The following SLC25A13 variants were observed in gnomAD, a reference collection of about 807,000 sequenced individuals.
The protein encoded by SLC25A13 is electrogenic aspartate/glutamate antiporter SLC25A13, mitochondrial.
SLC25A13 carries 70 observed loss-of-function variants against 85.5 expected under a neutral mutation model. The ratio of observed to expected loss-of-function variants is 0.82; its 90% CI spans 0.68 to 1.00. The LOEUF is 1.00. Among genes scored for constraint, SLC25A13 ranks in the 50% least tolerant of loss-of-function variants. The probability of loss-of-function intolerance (pLI) is 0.00; values close to 1 mark genes in which losing one functional copy is unlikely to be tolerated. For synonymous variants in SLC25A13, 259 were observed against 288.7 expected, an observed-to-expected ratio of 0.90 and a Z score of 1.04; for missense variants, 765 against 819.8, an observed-to-expected ratio of 0.93 and a Z score of 0.82.
chr7:96,153,152 A>G (rs1379299513), intron 13 of SLC25A13, among the ~76,000 whole-genome samples: 1 of 152,372 alleles, frequency 6.6e-6, no homozygotes, highest in African/African-American at 2.4e-5. Context: ...CTTTAGTGAC[A>G]TACAGAGTTG....
intron 5 of SLC25A13, among the ~76,000 whole-genome samples, chr7:96,199,289 C>T (rs949449029): frequency 2.0e-5 from 3 of 152,138 alleles, no homozygotes; most frequent in African/African-American, 7.2e-5. Context: ...CTACCAAAAA[C>T]CAGATGAAGA....
chr7:96,169,038 C>T (rs905341436), intron 13 of SLC25A13, among the ~76,000 whole-genome samples: 2 of 152,138 alleles, frequency 1.3e-5, no homozygotes, highest in Non-Finnish European at 2.9e-5. Flanking sequence ...TCCTGCCTGC[C>T]CATCTCCAAC....
At chr7:96,253,438 C>T (rs1797511113) in intron 3 of SLC25A13, among the ~76,000 whole-genome samples, 1 of 152,084 alleles carries the variant, frequency 6.6e-6, no homozygotes, top group Non-Finnish European at 1.5e-5. Flanking sequence ...AAGTAACAAC[C>T]CCATTTAATC....
At chr7:96,122,086 A>C (rs1198581905) in intron 15 of SLC25A13, 89 bp from the exon 16 acceptor site, 3 of 1,560,518 alleles carry the variant, frequency 1.9e-6, no homozygotes. Context: ...CGTGGAAAGA[A>C]AGTTAAAAAT....
chr7:96,229,768 C>A (rs1362013572), intron 4 of SLC25A13, among the ~76,000 whole-genome samples: 1 of 152,016 alleles, frequency 6.6e-6, no homozygotes, highest in African/African-American at 2.4e-5. Flanking sequence ...CCAGCGAGAC[C>A]ACGAACCCAC....
chr7:96,318,306 A>C (rs910294714), intron 1 of SLC25A13, among the ~76,000 whole-genome samples: 5 of 152,240 alleles, frequency 3.3e-5, no homozygotes, highest in African/African-American at 1.2e-4. Context: ...GACGAAGAAG[A>C]AAGCTCTCCT....
chr7:96,306,929 T>C (rs1205999054), intron 1 of SLC25A13: 1 of 958,166 alleles, frequency 1.0e-6, no homozygotes, highest in African/African-American at 1.6e-5. Context: ...CTGGAGCCAG[T>C]CCCACCACAC....
At chr7:96,171,568 T>C (rs765139878) in intron 11 of SLC25A13, 44 bp from the exon 12 acceptor site, 6 of 1,533,904 alleles carry the variant, frequency 3.9e-6, no homozygotes, top group Non-Finnish European at 5.4e-6. Flanking sequence ...TAAATTAGCA[T>C]TAACTAAACA....
At chr7:96,153,361 A>C (rs146795327) in intron 13 of SLC25A13, among the ~76,000 whole-genome samples, 173 of 152,382 alleles carry the variant, frequency 1.1e-3, no homozygotes, top group African/African-American at 4.0e-3. Context: ...ATAGGAAGTT[A>C]TGATTAAGTT....
At chr7:96,150,556 G>C (rs1021704639) in intron 13 of SLC25A13, among the ~76,000 whole-genome samples, 2 of 152,092 alleles carry the variant, frequency 1.3e-5, no homozygotes, top group African/African-American at 4.8e-5. Context: ...ACTATAGTTG[G>C]AAACAGGGCC....
chr7:96,322,018 C>G lies in SLC25A13; in HGVS notation c.-62G>C, dbSNP rs1027963308. The stretch of plus-strand genomic sequence containing the variant: ...GACTGGCTGGCTGGCGTTTGGGACC[C>G]GGGCGGCTCACTTCTAGTCCCGGCG... On this transcript the variant is annotated 5_prime_UTR_variant, in exon 1 of 18. Transcript: ENST00000265631. The G allele has an allele frequency of 1.2e-5, 18 of 1,529,678 alleles. No individual in the cohort carries two copies. Among genetic ancestry groups the G allele is most frequent in the Middle Eastern group, 1.8e-4 (1 of 5,406 alleles). 94.8% of individuals were successfully genotyped at this position (1,529,678 alleles called of 1,614,324 possible). A position where few individuals can be genotyped will look rare whatever the true frequency, so the allele number is the denominator to read the frequency against.
intron 13 of SLC25A13, among the ~76,000 whole-genome samples, chr7:96,154,294 CTTTTTTT>C (rs1161443008): frequency 1.6e-5 from 2 of 125,518 alleles, no homozygotes; most frequent in African/African-American, 5.8e-5. Flanking sequence ...CACTGAGTGT[CTTTTTTT>C]TTTTTTTTTT....
chr7:96,274,125 A>T (rs77298521), intron 3 of SLC25A13, among the ~76,000 whole-genome samples: 2,555 of 152,252 alleles, frequency 0.017, 37 homozygotes, highest in African/African-American at 0.042. Flanking sequence ...GAATACTGCA[A>T]CAAGTAGATC....
At chr7:96,223,457 G>A (rs773363481) in intron 4 of SLC25A13, among the ~76,000 whole-genome samples, 1 of 152,076 alleles carries the variant, frequency 6.6e-6, no homozygotes, top group Non-Finnish European at 1.5e-5. Flanking sequence ...GAATTTTCAG[G>A]GGGTCTACTT....
intron 2 of SLC25A13, among the ~76,000 whole-genome samples, chr7:96,293,808 A>T (rs1402360524): frequency 1.3e-5 from 2 of 152,008 alleles, no homozygotes; most frequent in African/African-American, 4.8e-5. Context: ...GTGGAGAAAT[A>T]GGAACACTTT....
intron 3 of SLC25A13, among the ~76,000 whole-genome samples, chr7:96,262,177 C>A (rs935726514): frequency 1.3e-5 from 2 of 152,106 alleles, no homozygotes; most frequent in African/African-American, 2.4e-5. Flanking sequence ...GAAGCAGATT[C>A]TCAAGTAGCT....
At chr7:96,125,749 A>AG (rs199688062) in intron 15 of SLC25A13, among the ~76,000 whole-genome samples, 1,945 of 146,380 alleles carry the variant, frequency 0.013, 34 homozygotes, top group African/African-American at 0.048. Flanking sequence ...TACATTCTAG[A>AG]GGGGTTTTTT....
chr7:96,289,491 A>C (rs1249713185), intron 2 of SLC25A13, among the ~76,000 whole-genome samples: 1 of 152,224 alleles, frequency 6.6e-6, no homozygotes, highest in Non-Finnish European at 1.5e-5. Context: ...ACCCAAAGCA[A>C]AGAAGCTAAA....
chr7:96,189,279 C>T lies in SLC25A13; in HGVS notation c.933+15G>A. On this transcript the variant is annotated intron_variant, in intron 9 of 17. Coordinates refer to ENST00000265631, the MANE Select transcript of SLC25A13 (RefSeq NM_014251.3). ...AAGGAAACCCCAGAATGCAAGTTTG[C>T]TCCTCTTTGCTCACCTGCCTCTGGG... 1.9e-6 allele frequency: 3 copies of T among 1,612,714 alleles called. No homozygotes were observed. The highest frequency in any genetic ancestry group is 2.2e-5 in the East Asian group (1 of 44,836).
Sources: gnomAD v4.1 joint callset for allele counts (sites outside exome capture counted in the v4.1 genomes callset) on GRCh38, gnomAD v4.1.1 for gene constraint, MANE v1.5 for transcripts, NCBI Gene and HGNC (gene_info 2026-07-23, HGNC 2026-07-21) for gene names.